ARHGAP10: variants seen among roughly 807,000 people sequenced by gnomAD.
ARHGAP10 encodes Rho GTPase activating protein 10, also known as rho GTPase-activating protein 10.
A neutral mutation model predicts 108.6 loss-of-function variants in ARHGAP10; 87 were observed. The observed-to-expected ratio is 0.80, with a 90% confidence interval of 0.67 to 0.96. ARHGAP10 has a LOEUF of 0.96. Ranked by LOEUF, ARHGAP10 falls within the 40% of genes least tolerant of loss-of-function variation. The pLI is 0.00. For missense variants in ARHGAP10, 939 were observed against 954.5 expected (o/e 0.98, Z 0.21); for synonymous variants, 347 against 341.1 (o/e 1.02, Z -0.19).
At chr4:147,870,057 GT>G (rs1405855158) in intron 7 of ARHGAP10, among the ~76,000 whole-genome samples, 1 of 147,950 alleles carries the variant, frequency 6.8e-6, no homozygotes, top group Non-Finnish European at 1.5e-5. Flanking sequence ...TCATTTATTT[GT>G]TTGTTTGAGA....
intron 7 of ARHGAP10, among the ~76,000 whole-genome samples, chr4:147,870,004 G>A (rs58265111): frequency 2.7e-5 from 2 of 74,782 alleles, no homozygotes; most frequent in Admixed American, 2.6e-4. Flanking sequence ...CAGTTTGTGT[G>A]TGTGTGTGTG....
At chr4:147,815,252 A>G (rs1173990686) in intron 1 of ARHGAP10, among the ~76,000 whole-genome samples, 1 of 152,142 alleles carries the variant, frequency 6.6e-6, no homozygotes, top group Admixed American at 6.5e-5. Context: ...AAGTTGGGTA[A>G]CCTGTGTCTG....
At chr4:147,782,063 A>G (rs984604991) in intron 1 of ARHGAP10, among the ~76,000 whole-genome samples, 9 of 152,212 alleles carry the variant, frequency 5.9e-5, no homozygotes, top group Admixed American at 2.0e-4. Flanking sequence ...CAAAGGGGTA[A>G]TATAGCAAAG....
chr4:147,996,264 A>ATG (rs2149640242), intron 18 of ARHGAP10, among the ~76,000 whole-genome samples: 1 of 152,366 alleles, frequency 6.6e-6, no homozygotes, highest in African/African-American at 2.4e-5. Context: ...CATCTCCAGC[A>ATG]ATAAACAGAA....
chr4:147,955,462 T>C (rs927231412), intron 16 of ARHGAP10, 88 bp downstream of exon 16: 1 of 1,139,200 alleles, frequency 8.8e-7, no homozygotes, highest in Admixed American at 2.1e-5. Flanking sequence ...ATTCAACTTG[T>C]TATTGCAGTT....
intron 7 of ARHGAP10, among the ~76,000 whole-genome samples, chr4:147,874,081 A>T (rs1039424403): frequency 2.6e-5 from 4 of 151,942 alleles, no homozygotes; most frequent in Non-Finnish European, 4.4e-5. Flanking sequence ...ATCTACATTT[A>T]TCAGACTCTC....
intron 11 of ARHGAP10, among the ~76,000 whole-genome samples, chr4:147,907,227 A>C (rs1736532673): frequency 1.3e-5 from 2 of 152,268 alleles, no homozygotes; most frequent in African/African-American, 2.4e-5. Context: ...TTGAGGAATA[A>C]ATTGAAGGTA....
At chr4:147,855,489 G>A (rs919238525) in intron 4 of ARHGAP10, among the ~76,000 whole-genome samples, 107 of 152,256 alleles carry the variant, frequency 7.0e-4, no homozygotes, top group African/African-American at 2.5e-3. Context: ...AAAGTCTTCT[G>A]ATCCTCTGTA....
intron 19 of ARHGAP10, among the ~76,000 whole-genome samples, chr4:148,035,231 C>G (rs964989127): frequency 6.6e-6 from 1 of 152,160 alleles, no homozygotes; most frequent in Admixed American, 6.5e-5. Flanking sequence ...TTTGGGCAAG[C>G]ATTATGCTTA....
intron 13 of ARHGAP10, among the ~76,000 whole-genome samples, chr4:147,935,229 C>G (rs929403586): frequency 1.3e-5 from 2 of 151,962 alleles, no homozygotes; most frequent in Middle Eastern, 3.2e-3. Flanking sequence ...TGGATGTGTG[C>G]GTGTGTGTGC....
intron 18 of ARHGAP10, among the ~76,000 whole-genome samples, chr4:147,986,646 T>G (rs1459553819): frequency 6.6e-6 from 1 of 152,200 alleles, no homozygotes; most frequent in Non-Finnish European, 1.5e-5. Context: ...CCTCTCTGGT[T>G]ACCATCTTCC....
At chr4:147,811,128 A>G (rs1478774374) in intron 1 of ARHGAP10, among the ~76,000 whole-genome samples, 2 of 152,116 alleles carry the variant, frequency 1.3e-5, no homozygotes, top group Non-Finnish European at 2.9e-5. Flanking sequence ...ACTAAGTTCA[A>G]CAGCTTCTGT....
chr4:148,032,158 A>G (rs1011095402), intron 19 of ARHGAP10, among the ~76,000 whole-genome samples: 7 of 152,172 alleles, frequency 4.6e-5, no homozygotes, highest in Non-Finnish European at 7.3e-5. Context: ...ACCATATATG[A>G]AAACTCAAAA....
intron 19 of ARHGAP10, among the ~76,000 whole-genome samples, chr4:148,027,201 CT>C (rs1276456875): frequency 6.6e-6 from 1 of 152,200 alleles, no homozygotes; most frequent in Non-Finnish European, 1.5e-5. Flanking sequence ...ATTTACAGAA[CT>C]AGGTTTTATA....
intron 13 of ARHGAP10, among the ~76,000 whole-genome samples, chr4:147,918,132 G>GTTTTTT (rs1737064545): frequency 7.4e-6 from 1 of 134,950 alleles, no homozygotes; most frequent in African/African-American, 3.4e-5. Context: ...CTCTCATTAA[G>GTTTTTT]ATTTTTTTTT....
intron 18 of ARHGAP10, among the ~76,000 whole-genome samples, chr4:147,998,361 T>C (rs1320810515): frequency 6.6e-6 from 1 of 152,214 alleles, no homozygotes; most frequent in Non-Finnish European, 1.5e-5. Flanking sequence ...AGCAATCATC[T>C]ATTCCCCAAA....
At chr4:147,883,955 A>G (rs951367261) in intron 10 of ARHGAP10, among the ~76,000 whole-genome samples, 15 of 152,190 alleles carry the variant, frequency 9.9e-5, no homozygotes, top group African/African-American at 3.6e-4. Flanking sequence ...TTGGCCTCCC[A>G]AAGTGCTGGG....
intron 18 of ARHGAP10, among the ~76,000 whole-genome samples, chr4:147,978,216 A>C (rs1212671783): frequency 6.6e-6 from 1 of 152,116 alleles, no homozygotes; most frequent in Admixed American, 6.6e-5. Flanking sequence ...GTCGAATGGT[A>C]GTTCTATTTT....
chr4:147,842,897 C>T (rs1313211984), intron 3 of ARHGAP10, among the ~76,000 whole-genome samples: 2 of 152,188 alleles, frequency 1.3e-5, no homozygotes, highest in Non-Finnish European at 2.9e-5. Context: ...TTCATAAACT[C>T]CTCCTCACCT....
Sources: allele counts gnomAD v4.1 joint callset (sites outside exome capture counted in the v4.1 genomes callset), GRCh38; gene constraint gnomAD v4.1.1; transcripts MANE v1.5; gene names NCBI Gene and HGNC (gene_info 2026-07-23, HGNC 2026-07-21).